Variants in GRID2 observed in about 807,000 individuals in gnomAD.
GRID2 encodes the protein glutamate ionotropic receptor delta type subunit 2.
A neutral mutation model predicts 114.8 loss-of-function variants in GRID2; 33 were observed. That is an observed-to-expected ratio of 0.29 (90% CI 0.22 to 0.38). GRID2 has a LOEUF of 0.38. GRID2 is among the 10% of genes least tolerant of loss of function. The pLI, the probability that GRID2 is intolerant of heterozygous loss-of-function variation, is 1.00. For synonymous variants in GRID2, 505 were observed against 449.9 expected (o/e 1.12, Z -1.55); for missense variants, 1,184 against 1,257.7 (o/e 0.94, Z 0.89).
At chr4:92,842,985 T>G (rs1057191982) in intron 2 of GRID2, among the ~76,000 whole-genome samples, 9 of 152,154 alleles carry the variant, frequency 5.9e-5, no homozygotes, top group Admixed American at 1.3e-4. Context: ...ACACCGGTAA[T>G]GTAAGCACTT....
chr4:92,684,171 T>A (rs1733789189), intron 2 of GRID2, among the ~76,000 whole-genome samples: 1 of 152,052 alleles, frequency 6.6e-6, no homozygotes, highest in Admixed American at 6.5e-5. Context: ...TATACTATCA[T>A]ATATAAAAGT....
At chr4:93,037,595 C>A (rs1725045682) in intron 2 of GRID2, among the ~76,000 whole-genome samples, 1 of 152,104 alleles carries the variant, frequency 6.6e-6, no homozygotes, top group African/African-American at 2.4e-5. Context: ...AGTCTTTAAT[C>A]TCTCTTGAGT....
At chr4:93,636,253 A>G (rs980143442) in intron 14 of GRID2, among the ~76,000 whole-genome samples, 4 of 151,114 alleles carry the variant, frequency 2.6e-5, no homozygotes, top group Non-Finnish European at 5.9e-5. Context: ...GCCTTTTTAC[A>G]AATAAGATTT....
chr4:92,605,346 C>A (rs568870917), intron 2 of GRID2, among the ~76,000 whole-genome samples: 1 of 152,024 alleles, frequency 6.6e-6, no homozygotes, highest in South Asian at 2.1e-4. Flanking sequence ...TTGTAGGATA[C>A]TTCTTATTCA....
chr4:92,400,247 T>C (rs932362665), intron 1 of GRID2, among the ~76,000 whole-genome samples: 1 of 152,136 alleles, frequency 6.6e-6, no homozygotes. Flanking sequence ...CTATCCATTA[T>C]CAGTCACTTC....
chr4:93,392,749 T>A (rs922821654), intron 8 of GRID2, among the ~76,000 whole-genome samples: 1 of 152,062 alleles, frequency 6.6e-6, no homozygotes, highest in African/African-American at 2.4e-5. Context: ...ATATCTTCCC[T>A]TCCTACCTTA....
At chr4:92,740,686 TAGA>T (rs1185065489) in intron 2 of GRID2, among the ~76,000 whole-genome samples, 1 of 76,410 alleles carries the variant, frequency 1.3e-5, no homozygotes, top group African/African-American at 4.4e-5. Flanking sequence ...GATAGATAGA[TAGA>T]TGATAGATAG....
At chr4:92,646,994 T>C (rs1011232002) in intron 2 of GRID2, among the ~76,000 whole-genome samples, 24 of 152,330 alleles carry the variant, frequency 1.6e-4, no homozygotes, top group African/African-American at 5.1e-4. Flanking sequence ...TTTTGTAATT[T>C]CGGTAGTAGC....
At chr4:93,418,269 G>C (rs1170088168) in intron 9 of GRID2, among the ~76,000 whole-genome samples, 2 of 151,492 alleles carry the variant, frequency 1.3e-5, no homozygotes, top group Non-Finnish European at 3.0e-5. Flanking sequence ...TCTTGCTTTA[G>C]GATTTTCTAT....
At chr4:93,388,455 A>G (rs1203278464) in intron 8 of GRID2, among the ~76,000 whole-genome samples, 1 of 152,080 alleles carries the variant, frequency 6.6e-6, no homozygotes, top group African/African-American at 2.4e-5. Flanking sequence ...AGCTTTAGTC[A>G]GTGCTTTAGA....
intron 8 of GRID2, among the ~76,000 whole-genome samples, chr4:93,253,142 G>T (rs986765630): frequency 2.0e-5 from 3 of 150,884 alleles, no homozygotes; most frequent in Non-Finnish European, 4.4e-5. Context: ...TGTAGTCCCA[G>T]CTACTCAGGA....
At chr4:93,317,431 A>G (rs1209290299) in intron 8 of GRID2, among the ~76,000 whole-genome samples, 1 of 152,052 alleles carries the variant, frequency 6.6e-6, no homozygotes, top group Non-Finnish European at 1.5e-5. Flanking sequence ...AATTGATGAT[A>G]CAGAACAAGT....
At chr4:93,659,412 A>T (rs1723293707) in intron 14 of GRID2, among the ~76,000 whole-genome samples, 1 of 152,188 alleles carries the variant, frequency 6.6e-6, no homozygotes, top group Non-Finnish European at 1.5e-5. Flanking sequence ...CCAACGAATT[A>T]CTAGTATTCT....
intron 14 of GRID2, among the ~76,000 whole-genome samples, chr4:93,695,998 A>G (rs1560916411): frequency 6.6e-6 from 1 of 152,238 alleles, no homozygotes; most frequent in African/African-American, 2.4e-5. Flanking sequence ...AAACCACACT[A>G]TAACTTCACA....
chr4:93,632,096 T>A (rs937117344), intron 14 of GRID2, among the ~76,000 whole-genome samples: 8 of 152,282 alleles, frequency 5.3e-5, no homozygotes, highest in South Asian at 2.1e-4. Context: ...GTTTGAGTTC[T>A]TTGTAGATTC....
intron 4 of GRID2, among the ~76,000 whole-genome samples, chr4:93,170,658 T>C (rs1467550724): frequency 6.6e-6 from 1 of 152,196 alleles, no homozygotes; most frequent in Non-Finnish European, 1.5e-5. Context: ...TGTTTCTGTG[T>C]CATAAATCCA....
At chr4:92,744,638 C>G (rs1367147844) in intron 2 of GRID2, among the ~76,000 whole-genome samples, 2 of 152,078 alleles carry the variant, frequency 1.3e-5, no homozygotes, top group African/African-American at 2.4e-5. Flanking sequence ...ACCCACTGCC[C>G]TAGAAAGTGC....
intron 2 of GRID2, among the ~76,000 whole-genome samples, chr4:92,668,456 A>G (rs1732891761): frequency 6.6e-6 from 1 of 151,736 alleles, no homozygotes; most frequent in African/African-American, 2.4e-5. Context: ...TTCATAATAT[A>G]GACTCTAAGC....
At chr4:93,228,099 T>G (rs1476032752) in intron 7 of GRID2, among the ~76,000 whole-genome samples, 3 of 152,198 alleles carry the variant, frequency 2.0e-5, no homozygotes, top group Non-Finnish European at 2.9e-5. Context: ...CAGGTATTTA[T>G]TATAACAACA....
Sources: allele counts gnomAD v4.1 joint callset (sites outside exome capture counted in the v4.1 genomes callset), GRCh38; gene constraint gnomAD v4.1.1; transcripts MANE v1.5; gene names NCBI Gene and HGNC (gene_info 2026-07-23, HGNC 2026-07-21).